The following COL19A1 variants were observed in gnomAD, a reference collection of about 807,000 sequenced individuals.
The protein encoded by COL19A1 is collagen type XIX alpha 1 chain, also known as collagen alpha-1(XIX) chain.
In COL19A1, 159 loss-of-function variants were observed where a neutral mutation model predicts 190.2. The observed-to-expected ratio is 0.84, with a 90% CI of 0.73 to 0.95. COL19A1 has a LOEUF of 0.95. COL19A1 is among the 40% of genes least tolerant of loss of function. COL19A1 has a pLI of 0.00. For missense variants in COL19A1, 1,418 were observed against 1,431.9 expected (o/e 0.99, Z 0.16); for synonymous variants, 509 against 458.9 (o/e 1.11, Z -1.39).
At chr6:69,937,836 G>A (rs1773208252) in intron 8 of COL19A1, among the ~76,000 whole-genome samples, 4 of 152,118 alleles carry the variant, frequency 2.6e-5, no homozygotes, top group African/African-American at 2.4e-5. Flanking sequence ...ATGGTGTTTG[G>A]AAGAGTGAGG....
Position 70,149,865 on chromosome 6 carries a change from C to G in COL19A1, c.1944C>G (p.Leu648=), listed in dbSNP as rs141008619. Residue 648 remains leucine (L), a synonymous_variant, in exon 29 of 51, where the codon CTC becomes CTG. Coordinates refer to ENST00000620364, the MANE Select transcript of COL19A1 (RefSeq NM_001858.6). ...GEPGIQGPRG[L]PGLPGTPGTP... The stretch of plus-strand genomic sequence containing the variant: ...TCCTTTTCCAGGGTCCTCGAGGTCT[C>G]CCTGGGTTGCCAGGAACTCCAGGGA... 48 of 1,613,532 alleles carry G rather than the reference C, an allele frequency of 3.0e-5. No individual in the cohort carries two copies. In the Middle Eastern group the frequency reaches 1.5e-3, roughly 50 times the overall value.
intron 14 of COL19A1, among the ~76,000 whole-genome samples, chr6:70,050,017 A>G (rs979499224): frequency 2.6e-5 from 4 of 152,118 alleles, no homozygotes; most frequent in African/African-American, 7.2e-5. Context: ...CCAAAAACCC[A>G]TGCAGCTTAG....
rs1023089365 is a variant in COL19A1 at position 70,146,841 on chromosome 6, T to C, written c.1845T>C (p.Gly615=). The C allele has an allele frequency of 3.1e-6, 5 of 1,598,654 alleles. No homozygotes were observed. In the Admixed American group the frequency reaches 7.0e-5, roughly 22 times the overall value. Reference sequence around the variant, plus strand: ...AAAGAGGACTTCCAGGTGTTCACGGTTCCCCAGGGGACATAGGCCCACAAG... The same window carrying C: ...AAAGAGGACTTCCAGGTGTTCACGGCTCCCCAGGGGACATAGGCCCACAAG... ...KGERGLPGVH[G]SPGDIGPQGI... The change falls in exon 27 of 51, where the codon GGT becomes GGC. Residue 615 remains glycine (G), a synonymous_variant. Transcript: ENST00000620364.
intron 11 of COL19A1, among the ~76,000 whole-genome samples, chr6:70,010,179 T>C (rs1168937253): frequency 3.3e-5 from 5 of 152,096 alleles, no homozygotes; most frequent in Admixed American, 3.3e-4. Context: ...TATGATAAAA[T>C]GACTTTTATC....
At chr6:70,096,884 A>G (rs1359636808) in intron 15 of COL19A1, among the ~76,000 whole-genome samples, 3 of 152,170 alleles carry the variant, frequency 2.0e-5, no homozygotes, top group Non-Finnish European at 4.4e-5. Flanking sequence ...TGAACAGCCA[A>G]GCAGGTGGCA....
intron 9 of COL19A1, among the ~76,000 whole-genome samples, chr6:69,950,094 A>C (rs1452045265): frequency 1.3e-5 from 2 of 151,930 alleles, no homozygotes; most frequent in East Asian, 1.9e-4. Context: ...AGTGATTTGC[A>C]TATAAATCAC....
chr6:69,940,364 A>G (rs1582467984), intron 9 of COL19A1, among the ~76,000 whole-genome samples: 1 of 152,156 alleles, frequency 6.6e-6, no homozygotes, highest in South Asian at 2.1e-4. Flanking sequence ...CCTTAGCAGT[A>G]ATAATAAAAT....
chr6:69,931,389 T>A (rs1404265700), intron 6 of COL19A1, among the ~76,000 whole-genome samples: 1 of 152,188 alleles, frequency 6.6e-6, no homozygotes, highest in Non-Finnish European at 1.5e-5. Flanking sequence ...CATTTCAATG[T>A]CATGGAACTC....
At chr6:69,986,757 T>C (rs543922933) in intron 11 of COL19A1, among the ~76,000 whole-genome samples, 4 of 152,190 alleles carry the variant, frequency 2.6e-5, no homozygotes, top group Non-Finnish European at 5.9e-5. Flanking sequence ...CTTGGTCTTA[T>C]TTAGAAAGCC....
intron 11 of COL19A1, among the ~76,000 whole-genome samples, chr6:69,986,221 TTATATATATATA>T (rs57648174): frequency 2.7e-4 from 37 of 138,284 alleles, no homozygotes; most frequent in South Asian, 1.2e-3. Context: ...CTTACACGTT[TTATATATATATA>T]TATATATATA....
chr6:69,904,497 A>G (rs1161470435), intron 4 of COL19A1, among the ~76,000 whole-genome samples: 2 of 152,166 alleles, frequency 1.3e-5, no homozygotes, highest in African/African-American at 4.8e-5. Context: ...AGGGAGGGGC[A>G]CTGGGTGCTG....
At chr6:70,126,493 G>C (rs1743890795) in intron 17 of COL19A1, among the ~76,000 whole-genome samples, 1 of 152,216 alleles carries the variant, frequency 6.6e-6, no homozygotes, top group Admixed American at 6.5e-5. Context: ...ATGTTGGTTT[G>C]ATTACAGACA....
At chr6:70,168,392 A>G (rs890129922) in intron 39 of COL19A1, among the ~76,000 whole-genome samples, 177 bp downstream of exon 39, 2 of 152,242 alleles carry the variant, frequency 1.3e-5, no homozygotes, top group Admixed American at 1.3e-4. Flanking sequence ...TATGCAGCCA[A>G]AATAATGGAA....
chr6:70,209,733 A>G lies in COL19A1; in HGVS notation c.*2459A>G, dbSNP rs1441031697. On this transcript the variant is annotated 3_prime_UTR_variant, in exon 51 of 51. Coordinates refer to ENST00000620364, the MANE Select transcript of COL19A1 (RefSeq NM_001858.6). ...ATATGACTAAATTTGACGTAACTAG[A>G]GAAACAAGGCTGTATCCACATGGTA... 2.0e-5 allele frequency: 3 copies of G among 152,196 alleles called. No homozygotes were observed. The highest frequency in any genetic ancestry group is 7.2e-5 in the African/African-American group (3 of 41,458). The allele number at this position is 152,196 out of a possible 1,614,324, so 9.4% of individuals were successfully genotyped here.
intron 15 of COL19A1, among the ~76,000 whole-genome samples, chr6:70,081,363 C>T (rs567503332): frequency 2.0e-5 from 3 of 152,218 alleles, no homozygotes; most frequent in African/African-American, 7.2e-5. Context: ...TTCTTTACCA[C>T]ATCATTTTCA....
intron 16 of COL19A1, among the ~76,000 whole-genome samples, chr6:70,106,521 A>G (rs1348531055): frequency 1.3e-5 from 2 of 152,218 alleles, no homozygotes. Context: ...ACTCCAATTT[A>G]GCTTAACTAT....
At chr6:69,986,443 C>T (rs530900670) in intron 11 of COL19A1, among the ~76,000 whole-genome samples, 3 of 152,116 alleles carry the variant, frequency 2.0e-5, no homozygotes, top group South Asian at 2.1e-4. Flanking sequence ...ATCACAATCT[C>T]GTGGGTGCTT....
intron 11 of COL19A1, among the ~76,000 whole-genome samples, chr6:69,967,186 T>C (rs1365496209): frequency 1.3e-5 from 2 of 152,230 alleles, no homozygotes; most frequent in Admixed American, 6.5e-5. Flanking sequence ...ACCTAAAATG[T>C]AGTCGACTTG....
intron 39 of COL19A1, 43 bp downstream of exon 39, chr6:70,168,258 A>G (rs1765288474): frequency 6.3e-7 from 1 of 1,591,528 alleles, no homozygotes; most frequent in Admixed American, 1.7e-5. Flanking sequence ...TAGCTGAACA[A>G]CCACAATGAA....
Sources: allele counts gnomAD v4.1 joint callset (sites outside exome capture counted in the v4.1 genomes callset), GRCh38; gene constraint gnomAD v4.1.1; transcripts MANE v1.5; gene names NCBI Gene and HGNC (gene_info 2026-07-23, HGNC 2026-07-21).